The following MAK variants were observed in gnomAD, a reference collection of about 807,000 sequenced individuals.
MAK encodes male germ cell associated kinase.
Under a neutral mutation model 82.6 loss-of-function variants are expected in MAK, and 65 were observed. That is an observed-to-expected ratio of 0.79 (90% confidence interval 0.64 to 0.97). MAK has a LOEUF of 0.97. Ranked by LOEUF, MAK falls within the 50% of genes least tolerant of loss-of-function variation. The pLI is 0.00. For missense variants in MAK, 703 were observed against 780.2 expected (o/e 0.90, Z 1.18); for synonymous variants, 250 against 274.2 (o/e 0.91, Z 0.87).
At chr6:10,802,208 C>G (rs918245053) in intron 7 of MAK, 149 bp from the exon 8 acceptor site, 1 of 629,656 alleles carries the variant, frequency 1.6e-6, no homozygotes, top group East Asian at 2.7e-5. Context: ...AAATACCAGA[C>G]CACGTCTATA....
chr6:10,790,775 C>T (rs1166600549), intron 10 of MAK, among the ~76,000 whole-genome samples: 2 of 152,206 alleles, frequency 1.3e-5, no homozygotes, highest in Non-Finnish European at 2.9e-5. Flanking sequence ...CTCTAAATCT[C>T]ATGTTGAAAT....
At chr6:10,810,029 C>T (rs979478540) in intron 5 of MAK, among the ~76,000 whole-genome samples, 1 of 137,442 alleles carries the variant, frequency 7.3e-6, no homozygotes, top group Non-Finnish European at 1.5e-5. Context: ...ACCTGGGAGG[C>T]GGAGGTTGCA....
chr6:10,764,465 C>T lies in MAK; in HGVS notation c.1934G>A (p.Gly645Glu). ...CACCATAGACTCCTACCGGTGGCCT[C>T]CATACTTGGCCACCCAGTCTGTCCT... ...HGRTDWVAKY[G>E]GHR The change falls in exon 15 of 15, where the codon GGA becomes GAA. Residue 645 changes from glycine (G) to glutamate (E), a missense_variant. Transcript: ENST00000354489. The T allele has an allele frequency of 6.2e-7, 1 of 1,614,010 alleles. No homozygotes were observed. Among genetic ancestry groups the T allele is most frequent in the Non-Finnish European group, 8.5e-7 (1 of 1,179,954 alleles).
intron 4 of MAK, among the ~76,000 whole-genome samples, chr6:10,813,954 C>T (rs1396784449): frequency 7.5e-6 from 1 of 132,776 alleles, no homozygotes; most frequent in Non-Finnish European, 1.6e-5. Context: ...ATATTGCACA[C>T]ATATTAAATA....
At chr6:10,815,347 G>T (rs1021327495) in intron 4 of MAK, among the ~76,000 whole-genome samples, 6 of 151,978 alleles carry the variant, frequency 3.9e-5, no homozygotes, top group African/African-American at 1.5e-4. Context: ...TGCGGGCTGG[G>T]TGCGGTGGCT....
intron 9 of MAK, among the ~76,000 whole-genome samples, chr6:10,792,952 A>G (rs1775210088): frequency 6.6e-6 from 1 of 152,194 alleles, no homozygotes; most frequent in South Asian, 2.1e-4. Context: ...CTTCTGTTGA[A>G]TTGTATTTTA....
chr6:10,770,111 C>G lies in MAK; in HGVS notation c.1792G>C (p.Glu598Gln). The G allele has an allele frequency of 6.2e-7, 1 of 1,614,138 alleles. No homozygotes were observed. Among genetic ancestry groups the G allele is most frequent in the Non-Finnish European group, 8.5e-7 (1 of 1,180,002 alleles). ...HLAPLNATASEYTWNTKTGRG... is the reference protein window; with the variant it reads ...HLAPLNATASQYTWNTKTGRG... ...AAACTGTATCTGAAGTTGTTCCTAC[C>G]TGAAGCCGTTGCATTGAGAGGTGCT... The change falls in exon 14 of 15, where the codon GAA becomes CAA. Residue 598 changes from glutamate (E) to glutamine (Q), a missense_variant and splice_region_variant. Physicochemically the swap from Glu to Gln is conservative, Grantham distance 29. Coordinates refer to ENST00000354489, the MANE Select transcript of MAK (RefSeq NM_001242957.3).
chr6:10,792,009 T>G (rs1173727847), intron 9 of MAK, among the ~76,000 whole-genome samples, 162 bp from the exon 10 acceptor site: 1 of 152,168 alleles, frequency 6.6e-6, no homozygotes, highest in African/African-American at 2.4e-5. Context: ...TGAACAAAAA[T>G]GGGCGGTACA....
chr6:10,779,545 G>C lies in MAK; in HGVS notation c.1466-4086C>G, dbSNP rs762564966. 4 of 930,104 alleles carry C rather than the reference G, an allele frequency of 4.3e-6. No individual in the cohort carries two copies. In the East Asian group the frequency reaches 3.5e-4, roughly 82 times the overall value. The allele number at this position is 930,104 out of a possible 1,614,324, so 57.6% of individuals were successfully genotyped here. A position where few individuals can be genotyped will look rare whatever the true frequency, so the allele number is the denominator to read the frequency against. ...TAGAGCTCCCAGAATCCTAAAAGTC[G>C]ATGCTTAATAAGACCTTTTATACTT... is the stretch of plus-strand genomic sequence containing the variant. On this transcript the variant is annotated intron_variant, in intron 11 of 14. Coordinates refer to ENST00000354489, the MANE Select transcript of MAK (RefSeq NM_001242957.3).
At chr6:10,765,782 G>A (rs1191315076) in intron 14 of MAK, among the ~76,000 whole-genome samples, 2 of 151,988 alleles carry the variant, frequency 1.3e-5, no homozygotes, top group African/African-American at 2.4e-5. Context: ...CATCGCACCC[G>A]GCCCATACTT....
intron 11 of MAK, chr6:10,780,377 A>T (rs961120467): frequency 2.4e-5 from 6 of 249,770 alleles, no homozygotes; most frequent in African/African-American, 1.2e-4. Context: ...AAAAGTTTGC[A>T]GTAGTGTTTC....
intron 5 of MAK, among the ~76,000 whole-genome samples, chr6:10,810,727 G>T (rs1364389285): frequency 6.6e-6 from 1 of 152,104 alleles, no homozygotes; most frequent in Admixed American, 6.6e-5. Flanking sequence ...TAACAGTTTT[G>T]TAATCTGAGT....
rs1772093973 is a variant in MAK, at chr6:10,763,054, C to T, written c.*1398G>A. 2 of 152,588 alleles carry T rather than the reference C, an allele frequency of 1.3e-5. No individual in the cohort carries two copies. Among genetic ancestry groups the T allele is most frequent in the African/African-American group, 4.8e-5 (2 of 41,434 alleles). 9.5% of individuals were successfully genotyped at this position (152,588 alleles called of 1,614,324 possible). A position where few individuals can be genotyped will look rare whatever the true frequency, so the allele number is the denominator to read the frequency against. ...TATTCTTTAAAAAGAATTTACAGTACTAAGGTCCAGTCCAGAAAGTGGCAG... is the reference window on the plus strand; with the variant it reads ...TATTCTTTAAAAAGAATTTACAGTATTAAGGTCCAGTCCAGAAAGTGGCAG... On this transcript the variant is annotated 3_prime_UTR_variant, in exon 15 of 15. Transcript: ENST00000354489.
At chr6:10,814,972 G>T (rs985830129) in intron 4 of MAK, among the ~76,000 whole-genome samples, 2 of 151,934 alleles carry the variant, frequency 1.3e-5, no homozygotes, top group African/African-American at 4.8e-5. Flanking sequence ...GGAGGGTGGA[G>T]GTTGCAGTGA....
At chr6:10,787,585 G>T (rs188219394) in intron 10 of MAK, among the ~76,000 whole-genome samples, 106 of 152,280 alleles carry the variant, frequency 7.0e-4, no homozygotes, top group African/African-American at 2.4e-3. Context: ...ATGGCTGGGC[G>T]CAGTGGCTCA....
In MAK at chr6:10,795,397, G is replaced by A. The variant is rs371498841; in HGVS notation, c.1143+601C>T. 2.6e-4 allele frequency among the ~76,000 whole-genome samples: 39 copies of A among 151,476 alleles called. 1 individual carries two copies. The highest frequency in any genetic ancestry group is 1.9e-3 in the South Asian group (9 of 4,782). ...GTGGAGGTTGCAGTGAGCCAAGATCGTGCCATTGCACTCCAGCCTGGGCAA... is the reference window on the plus strand; with the variant it reads ...GTGGAGGTTGCAGTGAGCCAAGATCATGCCATTGCACTCCAGCCTGGGCAA... On this transcript the variant is annotated intron_variant, in intron 9 of 14. Transcript: ENST00000354489.
At chr6:10,799,109 G>A (rs1201798352) in intron 8 of MAK, among the ~76,000 whole-genome samples, 2 of 152,032 alleles carry the variant, frequency 1.3e-5, no homozygotes, top group Admixed American at 6.6e-5. Context: ...ACAGGTGTGC[G>A]GCACTGCAGA....
chr6:10,829,137 A>T (rs1581774235), intron 2 of MAK: 1 of 152,214 alleles, frequency 6.6e-6, no homozygotes, highest in African/African-American at 2.4e-5. Flanking sequence ...CTACCCAGCT[A>T]AGCTACTTCT....
chr6:10,801,335 C>G (rs1239623638), intron 8 of MAK, among the ~76,000 whole-genome samples: 1 of 152,180 alleles, frequency 6.6e-6, no homozygotes, highest in East Asian at 1.9e-4. Flanking sequence ...GACAAAAACA[C>G]TGGGTTTAAA....
Sources: allele counts gnomAD v4.1 joint callset (sites outside exome capture counted in the v4.1 genomes callset), GRCh38; gene constraint gnomAD v4.1.1; transcripts MANE v1.5; gene names NCBI Gene and HGNC (gene_info 2026-07-23, HGNC 2026-07-21).